TFCP2: variants seen among roughly 807,000 people sequenced by gnomAD.
TFCP2 encodes the protein alpha-globin transcription factor CP2.
A neutral mutation model predicts 73.4 loss-of-function variants in TFCP2; 33 were observed. The observed-to-expected ratio is 0.45, with a 90% CI of 0.34 to 0.60. The LOEUF (loss-of-function observed/expected upper bound fraction) is 0.60. Ranked by LOEUF, TFCP2 falls within the 20% of genes least tolerant of loss-of-function variation. TFCP2 has a pLI of 0.01. For synonymous variants in TFCP2, 193 were observed against 211.6 expected, an observed-to-expected ratio of 0.91 and a Z score of 0.76; for missense variants, 352 against 604.0, an observed-to-expected ratio of 0.58 and a Z score of 4.37.
chr12:51,124,814 CT>C, intron 1 of TFCP2: 1 of 1,105,744 alleles, frequency 9.0e-7, no homozygotes, highest in East Asian at 2.4e-5. Context: ...CAGCCTTTTC[CT>C]TCACAAATCT....
chr12:51,168,829 T>C (rs190833214), intron 1 of TFCP2, among the ~76,000 whole-genome samples: 1 of 151,716 alleles, frequency 6.6e-6, no homozygotes, highest in Non-Finnish European at 1.5e-5. Flanking sequence ...TGAGATGCAG[T>C]CTGGCTCTGT....
In TFCP2 at chr12:51,093,986, TACACACACAC is replaced by T. The variant is rs10694278; in HGVS notation, c.*1245_*1254del. ...ACCCATGATGTTACACTTACACACT[TACACACACAC>T]ACACACACACACACAATCATTCTTA... On this transcript the variant is annotated 3_prime_UTR_variant, in exon 15 of 15. Coordinates refer to ENST00000257915, the MANE Select transcript of TFCP2 (RefSeq NM_005653.5). The T allele has an allele frequency of 7.5e-5, 9 of 120,102 alleles. No homozygotes were observed. The highest frequency in any genetic ancestry group is 3.3e-4 in the East Asian group (1 of 3,050). 7.4% of individuals were successfully genotyped at this position (120,102 alleles called of 1,614,324 possible).
chr12:51,140,878 A>G (rs965401346), intron 1 of TFCP2, among the ~76,000 whole-genome samples: 5 of 151,972 alleles, frequency 3.3e-5, no homozygotes, highest in African/African-American at 1.2e-4. Flanking sequence ...TAGCATGGTG[A>G]AACGCTGTCT....
In TFCP2 at chr12:51,099,755, A is replaced by C; in HGVS notation, c.1176T>G (p.Ile392Met). The change falls in exon 12 of 15, where the codon ATT (isoleucine) becomes ATG (methionine). Residue 392 changes from isoleucine to methionine, a missense_variant. Around this residue, in one of 6 missense-constraint regions of TFCP2, gnomAD observed 194 missense variants for 256.3 expected, o/e 0.76. Transcript: ENST00000257915. ...ACTGCAGTGATTCCTGACAAACATA[A>C]ATGGTTAACCTTGGACGCACCATCC... ...KGRMVRPRLT[I>M]YVCQESLQLR... The C allele has an allele frequency of 6.2e-7, 1 of 1,614,128 alleles. No individual in the cohort carries two copies. The highest frequency in any genetic ancestry group is 8.5e-7 in the Non-Finnish European group (1 of 1,180,026).
intron 1 of TFCP2, among the ~76,000 whole-genome samples, chr12:51,122,668 G>A (rs1026687168): frequency 6.6e-6 from 1 of 152,130 alleles, no homozygotes; most frequent in African/African-American, 2.4e-5. Context: ...AGAATGTTGA[G>A]GGAATCCTTC....
chr12:51,120,192 A>G (rs2136986656), intron 1 of TFCP2, among the ~76,000 whole-genome samples: 1 of 151,020 alleles, frequency 6.6e-6, no homozygotes, highest in African/African-American at 2.4e-5. Context: ...AAAAAAAAAA[A>G]AAAAAAAAAG....
At position 51,095,121 on chromosome 12, in the gene TFCP2, C is replaced by A; in HGVS notation, c.*120G>T. ...TGCCTCCATGGCCTGGACTCCTCCA[C>A]ACACAGTCAGACGAGTCAGGTTCTT... is the stretch of plus-strand genomic sequence containing the variant. On this transcript the variant is annotated 3_prime_UTR_variant, in exon 15 of 15. Coordinates refer to ENST00000257915, the MANE Select transcript of TFCP2 (RefSeq NM_005653.5). 1 of 1,157,016 alleles carries A rather than the reference C, an allele frequency of 8.6e-7. No homozygotes were observed. Among genetic ancestry groups the A allele is most frequent in the Non-Finnish European group, 1.3e-6 (1 of 767,994 alleles). 71.7% of individuals were successfully genotyped at this position (1,157,016 alleles called of 1,614,324 possible). A position where few individuals can be genotyped will look rare whatever the true frequency, so the allele number is the denominator to read the frequency against.
chr12:51,131,847 G>A (rs969026266), intron 1 of TFCP2, among the ~76,000 whole-genome samples: 2 of 151,682 alleles, frequency 1.3e-5, no homozygotes, highest in African/African-American at 4.8e-5. Context: ...TCCTTTTTCT[G>A]TTCTTTTGGT....
At chr12:51,168,028 T>A (rs938894216) in intron 1 of TFCP2, among the ~76,000 whole-genome samples, 39 of 152,064 alleles carry the variant, frequency 2.6e-4, no homozygotes, top group Admixed American at 4.6e-4. Flanking sequence ...GCCACTGCAC[T>A]CTAGCTTGGG....
Position 51,124,771 on chromosome 12 carries a change from C to G in TFCP2, c.123-5999G>C, listed in dbSNP as rs1267446641. ...ACGGCTGCCTTTTTCTGCTGCTCAA[C>G]CTTTTTCTGCTGCTCAGCCTTTTTC... is the stretch of plus-strand genomic sequence containing the variant. On this transcript the variant is annotated intron_variant, in intron 1 of 14. Coordinates refer to ENST00000257915, the MANE Select transcript of TFCP2 (RefSeq NM_005653.5). 9 of 791,322 alleles carry G rather than the reference C, an allele frequency of 1.1e-5. 1 individual carries two copies. In the South Asian group the frequency reaches 1.2e-4, roughly 11 times the overall value. 49.0% of individuals were successfully genotyped at this position (791,322 alleles called of 1,614,324 possible). A position where few individuals can be genotyped will look rare whatever the true frequency, so the allele number is the denominator to read the frequency against.
At chr12:51,111,018 G>T (rs773782975) in intron 4 of TFCP2, 35 bp from the exon 5 acceptor site, 2 of 1,382,508 alleles carry the variant, frequency 1.4e-6, no homozygotes, top group South Asian at 1.2e-5. Context: ...GAACAATTTT[G>T]AGGGCCACTC....
At chr12:51,143,168 C>T (rs1167682193) in intron 1 of TFCP2, among the ~76,000 whole-genome samples, 2 of 151,800 alleles carry the variant, frequency 1.3e-5, no homozygotes, top group African/African-American at 4.8e-5. Flanking sequence ...TCTGATGACT[C>T]CCAAATGTGT....
intron 1 of TFCP2, among the ~76,000 whole-genome samples, chr12:51,143,372 T>C (rs768408599): frequency 7.4e-5 from 11 of 149,310 alleles, no homozygotes; most frequent in Non-Finnish European, 1.3e-4. Context: ...ACCAGAACTA[T>C]TGAAGGCATC....
intron 11 of TFCP2, 45 bp downstream of exon 11, chr12:51,101,890 A>T: frequency 1.5e-6 from 2 of 1,291,196 alleles, no homozygotes; most frequent in Non-Finnish European, 2.3e-6. Flanking sequence ...ATCCAAATCC[A>T]TTTGGAATCC....
chr12:51,120,177 CAAAAAAAAAAAAA>C (rs33982936), intron 1 of TFCP2, among the ~76,000 whole-genome samples: 2 of 57,276 alleles, frequency 3.5e-5, no homozygotes, highest in South Asian at 9.1e-4. Context: ...GACTCTGTCT[CAAAAAAAAAAAAA>C]AAAAAAAAAA....
In TFCP2 at chr12:51,149,415, TA is replaced by T. The variant is rs929602072; in HGVS notation, c.122+22885del. On this transcript the variant is annotated intron_variant, in intron 1 of 14. Transcript: ENST00000257915. Reference sequence around the variant, plus strand: ...AACACTACCTGTTCCCCAAAAACCTTAAAAAAAAAAGTAGAAGGAAGGAATG... The same window carrying T: ...AACACTACCTGTTCCCCAAAAACCTTAAAAAAAAAGTAGAAGGAAGGAATG... Among the ~76,000 whole-genome samples, 329 of 148,198 alleles carry T rather than the reference TA, an allele frequency of 2.2e-3. 2 individuals carry two copies. The highest frequency in any genetic ancestry group is 6.8e-3 in the African/African-American group (276 of 40,474).
In TFCP2 at chr12:51,164,179, TG is replaced by T. The variant is rs1273983902; in HGVS notation, c.122+8121del. On this transcript the variant is annotated intron_variant, in intron 1 of 14. Coordinates refer to ENST00000257915, the MANE Select transcript of TFCP2 (RefSeq NM_005653.5). ...ATCACACCACTGCATCATTCCAGCCTGGGTAACAGAGCACGGCCCCATTTCT... is the reference window on the plus strand; with the variant it reads ...ATCACACCACTGCATCATTCCAGCCTGGTAACAGAGCACGGCCCCATTTCT... Among the ~76,000 whole-genome samples the T allele has an allele frequency of 3.3e-5, 5 of 152,126 alleles. No homozygotes were observed. The East Asian group carries it at 7.7e-4, about 23-fold the overall frequency.
chr12:51,103,436 A>G (rs1367677792), intron 10 of TFCP2, among the ~76,000 whole-genome samples: 1 of 152,266 alleles, frequency 6.6e-6, no homozygotes, highest in East Asian at 1.9e-4. Context: ...TGAAATAAGC[A>G]TTTTTAAATT....
chr12:51,156,184 CAAAGT>C (rs1941534099), intron 1 of TFCP2, among the ~76,000 whole-genome samples: 1 of 152,022 alleles, frequency 6.6e-6, no homozygotes, highest in Admixed American at 6.6e-5. Flanking sequence ...GGGTAATTTA[CAAAGT>C]AAAGAGGTTT....
Sources: gnomAD v4.1 joint callset for allele counts (sites outside exome capture counted in the v4.1 genomes callset) on GRCh38, gnomAD v4.1.1 for gene constraint, gnomAD v4.1.1 regional missense constraint, MANE v1.5 for transcripts, NCBI Gene and HGNC (gene_info 2026-07-23, HGNC 2026-07-21) for gene names.